VAV3: variants seen among roughly 807,000 people sequenced by gnomAD.
VAV3 encodes vav guanine nucleotide exchange factor 3, also known as guanine nucleotide exchange factor VAV3.
Under a neutral mutation model 131.2 loss-of-function variants are expected in VAV3, and 94 were observed. The observed-to-expected ratio is 0.72, with a 90% CI of 0.61 to 0.85. The LOEUF is 0.85. Ranked by LOEUF, VAV3 falls within the 40% of genes least tolerant of loss-of-function variation. VAV3 has a pLI of 0.00. For missense variants in VAV3, 939 were observed against 1,002.7 expected, an observed-to-expected ratio of 0.94 and a Z score of 0.86; for synonymous variants, 349 against 342.0, an observed-to-expected ratio of 1.02 and a Z score of -0.22.
intron 2 of VAV3, among the ~76,000 whole-genome samples, chr1:107,874,063 A>G (rs1372538899): frequency 6.6e-6 from 1 of 152,218 alleles, no homozygotes; most frequent in Non-Finnish European, 1.5e-5. Context: ...CCTGAATTAC[A>G]AGAATAAGGA....
intron 12 of VAV3, 60 bp downstream of exon 12, chr1:107,755,367 C>T: frequency 1.6e-6 from 2 of 1,255,330 alleles, no homozygotes; most frequent in Non-Finnish European, 2.3e-6. Context: ...TCAACAACAA[C>T]TCCTAGAATG....
intron 21 of VAV3, among the ~76,000 whole-genome samples, chr1:107,612,212 G>A (rs1652804972): frequency 1.3e-5 from 2 of 150,544 alleles, no homozygotes. Flanking sequence ...AAATATATAT[G>A]TGTCTATTTA....
chr1:107,886,310 T>C lies in VAV3; in HGVS notation c.205-11293A>G, dbSNP rs12076011. ...CATTCTATCCATAATGAAACTGAGA[T>C]GCCACAAATAACCAAAGCTATGGTA... On this transcript the variant is annotated intron_variant, in intron 1 of 26. Coordinates refer to ENST00000370056, the MANE Select transcript of VAV3 (RefSeq NM_006113.5). 3.6e-3 allele frequency among the ~76,000 whole-genome samples: 554 copies of C among 152,338 alleles called. 4 individuals are homozygous for C. Among genetic ancestry groups the C allele is most frequent in the African/African-American group, 0.012 (516 of 41,574 alleles).
At chr1:107,830,404 CTA>C (rs1668200125) in intron 2 of VAV3, among the ~76,000 whole-genome samples, 1 of 151,798 alleles carries the variant, frequency 6.6e-6, no homozygotes, top group African/African-American at 2.4e-5. Context: ...ATGGGTCTCA[CTA>C]TTGTGGAGTC....
At chr1:107,890,784 A>G (rs1671274676) in intron 1 of VAV3, among the ~76,000 whole-genome samples, 1 of 152,184 alleles carries the variant, frequency 6.6e-6, no homozygotes, top group African/African-American at 2.4e-5. Context: ...AATCTGCACC[A>G]AACTTAGCCA....
chr1:107,655,531 C>T (rs1254536054), intron 19 of VAV3, among the ~76,000 whole-genome samples: 10 of 152,000 alleles, frequency 6.6e-5, no homozygotes, highest in Admixed American at 6.6e-5. Flanking sequence ...AGAAGAAAAC[C>T]TCACAGAAAT....
intron 25 of VAV3, among the ~76,000 whole-genome samples, chr1:107,583,321 T>C (rs1362034698): frequency 2.0e-5 from 3 of 152,220 alleles, no homozygotes; most frequent in Non-Finnish European, 4.4e-5. Context: ...GCGAAAAAAC[T>C]GGAAGCATTC....
chr1:107,641,842 T>C (rs568061860), intron 20 of VAV3, among the ~76,000 whole-genome samples: 2 of 152,266 alleles, frequency 1.3e-5, no homozygotes, highest in South Asian at 2.1e-4. Context: ...GAATTTTTAA[T>C]AAAAATGATA....
At chr1:107,605,682 G>A (rs1010953724) in intron 22 of VAV3, among the ~76,000 whole-genome samples, 1 of 152,050 alleles carries the variant, frequency 6.6e-6, no homozygotes, top group African/African-American at 2.4e-5. Flanking sequence ...AAATGCAGTC[G>A]AAACTTTGCT....
intron 2 of VAV3, among the ~76,000 whole-genome samples, chr1:107,843,719 C>A (rs946178340): frequency 6.6e-6 from 1 of 152,030 alleles, no homozygotes; most frequent in Non-Finnish European, 1.5e-5. Flanking sequence ...ACCCTCTCCC[C>A]CCATGGGGTT....
At chr1:107,622,483 T>C (rs1342745087) in intron 20 of VAV3, among the ~76,000 whole-genome samples, 1 of 152,222 alleles carries the variant, frequency 6.6e-6, no homozygotes, top group Non-Finnish European at 1.5e-5. Flanking sequence ...GAGAAAGAAC[T>C]GCTTTGAGAA....
chr1:107,918,158 T>A (rs984665917), intron 1 of VAV3, among the ~76,000 whole-genome samples: 7 of 152,106 alleles, frequency 4.6e-5, no homozygotes, highest in African/African-American at 1.4e-4. Context: ...ACATACAGTG[T>A]GAAAAGCACC....
intron 22 of VAV3, among the ~76,000 whole-genome samples, chr1:107,606,141 T>C (rs1652250958): frequency 6.6e-6 from 1 of 152,206 alleles, no homozygotes; most frequent in Admixed American, 6.5e-5. Context: ...TGTAACACTC[T>C]AAAGTCCCAC....
At chr1:107,784,558 A>G (rs1160176120) in intron 2 of VAV3, among the ~76,000 whole-genome samples, 1 of 152,238 alleles carries the variant, frequency 6.6e-6, no homozygotes, top group Non-Finnish European at 1.5e-5. Flanking sequence ...CTTCAATATG[A>G]AAAATATCTG....
rs778364581 is a variant in VAV3 at position 107,760,899 on chromosome 1, A to C, written c.922-20T>G. The C allele has an allele frequency of 6.3e-7, 1 of 1,586,334 alleles. No individual in the cohort carries two copies. Among genetic ancestry groups the C allele is most frequent in the East Asian group, 2.2e-5 (1 of 44,538 alleles). ...ACATTCCTAATGAAATGTTTTAAAA[A>C]CACTTTGTTAGGGAGTCATAAACAT... On this transcript the variant is annotated intron_variant, in intron 9 of 26. Coordinates refer to ENST00000370056, the MANE Select transcript of VAV3 (RefSeq NM_006113.5).
intron 2 of VAV3, among the ~76,000 whole-genome samples, chr1:107,867,277 G>A (rs1457899667): frequency 6.6e-6 from 1 of 152,154 alleles, no homozygotes; most frequent in East Asian, 1.9e-4. Flanking sequence ...TTATTGAACT[G>A]ACTCAAAAAT....
In VAV3 at chr1:107,834,050, A is replaced by G. The variant is rs1571016663; in HGVS notation, c.321+40851T>C. On this transcript the variant is annotated intron_variant, in intron 2 of 26. Transcript: ENST00000370056. ...CTTTCACTCACTTTAAGATATTTAG[A>G]AACTATAGAGAACTGTAAAGCAGAA... 2.0e-5 allele frequency among the ~76,000 whole-genome samples: 3 copies of G among 152,206 alleles called. No individual in the cohort carries two copies. In the East Asian group the frequency reaches 5.8e-4, roughly 29 times the overall value.
intron 15 of VAV3, among the ~76,000 whole-genome samples, chr1:107,720,116 G>A (rs1557790758): frequency 6.6e-6 from 1 of 152,012 alleles, no homozygotes; most frequent in Non-Finnish European, 1.5e-5. Flanking sequence ...TGTAAATGAT[G>A]AGTTAATAGG....
At chr1:107,898,461 A>G (rs1162118977) in intron 1 of VAV3, among the ~76,000 whole-genome samples, 3 of 152,204 alleles carry the variant, frequency 2.0e-5, no homozygotes, top group African/African-American at 7.2e-5. Flanking sequence ...TGAGTGAAGC[A>G]TGGTTTTCTG....
Sources: allele counts gnomAD v4.1 joint callset (sites outside exome capture counted in the v4.1 genomes callset), GRCh38; gene constraint gnomAD v4.1.1; transcripts MANE v1.5; gene names NCBI Gene and HGNC (gene_info 2026-07-23, HGNC 2026-07-21).